LRP1B: variants seen among roughly 807,000 people sequenced by gnomAD.
LRP1B encodes LDL receptor related protein 1B.
In LRP1B, 217 loss-of-function variants were observed where a neutral mutation model predicts 556.6. That is an observed-to-expected ratio of 0.39 (90% confidence interval 0.35 to 0.44). LRP1B has a LOEUF of 0.44. LRP1B is among the 20% of genes least tolerant of loss of function. LRP1B has a pLI of 1.00. For missense variants in LRP1B, 5,053 were observed against 5,620.8 expected (o/e 0.90, Z 3.23); for synonymous variants, 2,047 against 1,865.8 (o/e 1.10, Z -2.50).
chr2:140,332,210 G>A (rs543541655), intron 79 of LRP1B, among the ~76,000 whole-genome samples: 3 of 151,964 alleles, frequency 2.0e-5, no homozygotes, highest in Non-Finnish European at 4.4e-5. Flanking sequence ...CTTTATTGGA[G>A]ATTATCTTTC....
At chr2:140,881,355 G>T (rs12993593) in intron 25 of LRP1B, among the ~76,000 whole-genome samples, 56,217 of 151,642 alleles carry the variant, frequency 0.37, 11,074 homozygotes, top group African/African-American at 0.51. Flanking sequence ...CCTCAGAACT[G>T]TTTATCAAAA....
intron 7 of LRP1B, among the ~76,000 whole-genome samples, chr2:141,113,624 C>G (rs1700808616): frequency 6.6e-6 from 1 of 151,996 alleles, no homozygotes; most frequent in Non-Finnish European, 1.5e-5. Context: ...AGAACCAACA[C>G]TGGTACCTCA....
intron 7 of LRP1B, among the ~76,000 whole-genome samples, chr2:141,123,383 T>C (rs557274002): frequency 6.6e-6 from 1 of 152,176 alleles, no homozygotes; most frequent in South Asian, 2.1e-4. Context: ...AAGTAAAATG[T>C]TAAATATGCA....
At chr2:141,013,489 T>A (rs3791766) in intron 14 of LRP1B, 67 bp downstream of exon 14, 702,038 of 1,267,348 alleles carry the variant, frequency 0.55, 199,856 homozygotes, top group Non-Finnish European at 0.59. Flanking sequence ...AAGATAAATC[T>A]TTTATAACTT....
At chr2:140,992,292 A>T (rs1697117011) in intron 16 of LRP1B, among the ~76,000 whole-genome samples, 1 of 152,108 alleles carries the variant, frequency 6.6e-6, no homozygotes, top group Admixed American at 6.6e-5. Flanking sequence ...GAGTGATGAT[A>T]ATAAGATAAA....
At chr2:140,482,331 T>C (rs1047329194) in intron 59 of LRP1B, among the ~76,000 whole-genome samples, 4 of 152,172 alleles carry the variant, frequency 2.6e-5, no homozygotes, top group Non-Finnish European at 5.9e-5. Flanking sequence ...ATGTTTATCA[T>C]AATGGCCTTT....
At chr2:141,470,878 C>T (rs949120221) in intron 3 of LRP1B, among the ~76,000 whole-genome samples, 6 of 152,120 alleles carry the variant, frequency 3.9e-5, no homozygotes, top group African/African-American at 2.4e-5. Context: ...CATGTTATAA[C>T]AAGGTAGTAT....
chr2:140,947,198 T>G (rs923895276), intron 20 of LRP1B, among the ~76,000 whole-genome samples: 2 of 152,218 alleles, frequency 1.3e-5, no homozygotes, highest in Middle Eastern at 3.2e-3. Context: ...AATAAATTTT[T>G]GAAAGTGATT....
At chr2:140,602,204 T>A (rs1357233394) in intron 41 of LRP1B, among the ~76,000 whole-genome samples, 1 of 150,688 alleles carries the variant, frequency 6.6e-6, no homozygotes, top group Non-Finnish European at 1.5e-5. Flanking sequence ...ACTAATGAGA[T>A]AAAAAAAAAC....
rs1267210154 is a variant in LRP1B at position 140,960,767 on chromosome 2, T to C, written c.2888-8827A>G. ...GTCCTAATATTTTATTGAACTCCAA[T>C]ATATGATTATTTACATATGAAATTA... On this transcript the variant is annotated intron_variant, in intron 18 of 90. Transcript: ENST00000389484. 3.3e-5 allele frequency among the ~76,000 whole-genome samples: 5 copies of C among 152,012 alleles called. No individual in the cohort carries two copies. The South Asian group carries it at 6.2e-4, about 19-fold the overall frequency.
In LRP1B at chr2:141,692,037, C is replaced by T. The variant is rs1301097045; in HGVS notation, c.205+118242G>A. On this transcript the variant is annotated intron_variant, in intron 2 of 90. Coordinates refer to ENST00000389484, the MANE Select transcript of LRP1B (RefSeq NM_018557.3). ...ACTCCTCATCCCTTCCTTCAGAAATCCTGTCAACCAGCACATTGTCTGAAT... is the reference window on the plus strand; with the variant it reads ...ACTCCTCATCCCTTCCTTCAGAAATTCTGTCAACCAGCACATTGTCTGAAT... Among the ~76,000 whole-genome samples, 4 of 151,984 alleles carry T rather than the reference C, an allele frequency of 2.6e-5. No individual in the cohort carries two copies. The South Asian group carries it at 6.2e-4, about 24-fold the overall frequency.
At chr2:141,117,953 A>C (rs1043113905) in intron 7 of LRP1B, among the ~76,000 whole-genome samples, 1 of 151,972 alleles carries the variant, frequency 6.6e-6, no homozygotes, top group African/African-American at 2.4e-5. Flanking sequence ...TCATCATCAT[A>C]TATGTCTTCC....
chr2:140,664,679 CAT>C (rs137978558), intron 41 of LRP1B, among the ~76,000 whole-genome samples: 2,073 of 151,942 alleles, frequency 0.014, 40 homozygotes, highest in Admixed American at 0.046. Flanking sequence ...CTAATGAATC[CAT>C]AGTTTGTCCA....
At chr2:141,733,635 G>A (rs536208194) in intron 2 of LRP1B, among the ~76,000 whole-genome samples, 34 of 152,140 alleles carry the variant, frequency 2.2e-4, no homozygotes, top group African/African-American at 7.7e-4. Flanking sequence ...TATTGCTTAC[G>A]TTTTCAGTTT....
rs571780465 is a variant in LRP1B, at chr2:140,980,030, C to T, written c.2887+2130G>A. Among the ~76,000 whole-genome samples, 35 of 151,756 alleles carry T rather than the reference C, an allele frequency of 2.3e-4. No individual in the cohort carries two copies. The South Asian group carries it at 2.5e-3, about 11-fold the overall frequency. On this transcript the variant is annotated intron_variant, in intron 18 of 90. Coordinates refer to ENST00000389484, the MANE Select transcript of LRP1B (RefSeq NM_018557.3). ...TTATTAGATTATTATATAAAATTTT[C>T]GGTATTTTCCTCCTTTGATTCAAGT... is the stretch of plus-strand genomic sequence containing the variant.
intron 1 of LRP1B, among the ~76,000 whole-genome samples, chr2:141,911,961 A>G (rs1340836400): frequency 6.6e-6 from 1 of 152,196 alleles, no homozygotes; most frequent in East Asian, 1.9e-4. Context: ...ACACAAATTT[A>G]TTAGCAATTG....
At chr2:140,482,743 T>G (rs1483726194) in intron 59 of LRP1B, among the ~76,000 whole-genome samples, 6 of 152,144 alleles carry the variant, frequency 3.9e-5, no homozygotes, top group African/African-American at 7.2e-5. Context: ...AAAAGTATCA[T>G]TGCTCTAATA....
intron 2 of LRP1B, among the ~76,000 whole-genome samples, chr2:141,747,578 A>G (rs796866704): frequency 2.6e-5 from 4 of 152,164 alleles, no homozygotes; most frequent in African/African-American, 9.6e-5. Flanking sequence ...TTGAAGCTGC[A>G]GTGTGCTATG....
In LRP1B at chr2:141,464,606, A is replaced by ATATATATATAT; in HGVS notation, c.343+15789_343+15790insATATATATATA. 3.0e-4 allele frequency among the ~76,000 whole-genome samples: 27 copies of ATATATATATAT among 90,540 alleles called. 1 individual carries two copies. The highest frequency in any genetic ancestry group is 1.1e-3 in the African/African-American group (26 of 23,370). The allele number at this position is 90,540 out of a possible 152,430, so 59.4% of individuals were successfully genotyped here. A position where few individuals can be genotyped will look rare whatever the true frequency, so the allele number is the denominator to read the frequency against. On this transcript the variant is annotated intron_variant, in intron 3 of 90. Coordinates refer to ENST00000389484, the MANE Select transcript of LRP1B (RefSeq NM_018557.3). ...TTTGTATATATATATATATATATAT[A>ATATATATATAT]TTTTTTTAGTAGAGATGGGGTTTCA...
Sources: allele counts gnomAD v4.1 joint callset (sites outside exome capture counted in the v4.1 genomes callset), GRCh38; gene constraint gnomAD v4.1.1; transcripts MANE v1.5; gene names NCBI Gene and HGNC (gene_info 2026-07-23, HGNC 2026-07-21).